Variants in CYB5R3 observed in about 807,000 individuals in gnomAD.
The protein encoded by CYB5R3 is NADH-cytochrome b5 reductase 3.
In CYB5R3, 28 loss-of-function variants were observed where a neutral mutation model predicts 36.5. The ratio of observed to expected loss-of-function variants is 0.77; its 90% confidence interval spans 0.57 to 1.05. The LOEUF (loss-of-function observed/expected upper bound fraction) is 1.05, where lower values mean the gene tolerates loss of function less well. Ranked by LOEUF, CYB5R3 falls within the 50% of genes least tolerant of loss-of-function variation. The pLI is 0.00. For missense variants in CYB5R3, 474 were observed against 408.9 expected (o/e 1.16, Z -1.37); for synonymous variants, 181 against 159.8 (o/e 1.13, Z -1.00).
Position 42,619,814 on chromosome 22 carries a change from C to T in CYB5R3, c.865G>A (p.Asp289Asn), listed in dbSNP as rs1313980705. The T allele has an allele frequency of 6.2e-7, 1 of 1,600,206 alleles. No individual in the cohort carries two copies. Among genetic ancestry groups the T allele is most frequent in the Non-Finnish European group, 8.5e-7 (1 of 1,175,330 alleles). Residue 289 changes from aspartate to asparagine, a missense_variant, in exon 9 of 9, where the codon GAC (aspartate) becomes AAC (asparagine). By Grantham distance (23) the Asp-to-Asn change is conservative. Transcript: ENST00000352397. ...CGCTCCGTGGGGTGGCCCACGTGGT[C>T]CAGGTTGGGAAGGCAGGCGTACTGG... Reference protein sequence around the residue: ...MIQYACLPNLDHVGHPTERCF... With the variant: ...MIQYACLPNLNHVGHPTERCF...
intron 1 of CYB5R3, among the ~76,000 whole-genome samples, chr22:42,648,328 A>G (rs1238211386): frequency 6.6e-6 from 1 of 152,148 alleles, no homozygotes; most frequent in Admixed American, 6.6e-5. Flanking sequence ...CTCCTGTGCC[A>G]GCCTCCCCAC....
In CYB5R3 at chr22:42,618,536, C is replaced by CAAAAAAAA. The variant is rs33966940; in HGVS notation, c.*1229_*1236dup. 1.4e-4 allele frequency: 12 copies of CAAAAAAAA among 86,732 alleles called. No individual in the cohort carries two copies. The highest frequency in any genetic ancestry group is 6.9e-4 in the African/African-American group (12 of 17,382). The allele number at this position is 86,732 out of a possible 1,614,324, so 5.4% of individuals were successfully genotyped here. ...TGGGCGACAGAGCGAGACTCCGTCT[C>CAAAAAAAA]AAAAAAAAAAAAAAAAAAATACAAA... On this transcript the variant is annotated 3_prime_UTR_variant, in exon 9 of 9. Coordinates refer to ENST00000352397, the MANE Select transcript of CYB5R3 (RefSeq NM_000398.7).
Position 42,649,312 on chromosome 22 carries a change from C to A in CYB5R3, c.4G>T (p.Gly2Trp). M[G>W]AQLSTLGHMV... ...CCGCCTACCGTGCTGAGCTGGGCCCCCATGGTGGCCCCGCGCCGCGCTCGC... is the reference window on the plus strand; with the variant it reads ...CCGCCTACCGTGCTGAGCTGGGCCCACATGGTGGCCCCGCGCCGCGCTCGC... The change falls in exon 1 of 9, where the codon GGG (glycine) becomes TGG (tryptophan). Residue 2 changes from glycine to tryptophan, a missense_variant. Transcript: ENST00000352397. The A allele has an allele frequency of 9.8e-7, 1 of 1,022,472 alleles. No homozygotes were observed. Among genetic ancestry groups the A allele is most frequent in the Non-Finnish European group, 1.2e-6 (1 of 848,998 alleles). 63.3% of individuals were successfully genotyped at this position (1,022,472 alleles called of 1,614,324 possible).
chr22:42,647,568 C>T (rs1929589832), intron 1 of CYB5R3, among the ~76,000 whole-genome samples: 1 of 25,826 alleles, frequency 3.9e-5, no homozygotes, highest in African/African-American at 1.2e-4. Context: ...GCCAAGATGG[C>T]GAAGCCCAGG....
intron 1 of CYB5R3, among the ~76,000 whole-genome samples, chr22:42,643,669 G>A (rs922343242): frequency 2.6e-5 from 4 of 152,140 alleles, no homozygotes; most frequent in African/African-American, 4.8e-5. Flanking sequence ...GGGCCACCCA[G>A]CTGGGGTCTC....
At position 42,636,739 on chromosome 22, in the gene CYB5R3, G is replaced by A; in HGVS notation, c.129C>T (p.Tyr43=). 1.9e-6 allele frequency: 3 copies of A among 1,613,258 alleles called. No individual in the cohort carries two copies. The highest frequency in any genetic ancestry group is 8.5e-7 in the Non-Finnish European group (1 of 1,179,966). The part of the protein sequence containing the change: ...AITLESPDIK[Y]PLRLIDREII... ...CCTCCCGGTCGATGAGCCGCAGCGGGTACTTGATGTCCGGGCTCTCGAGGG... is the reference window on the plus strand; with the variant it reads ...CCTCCCGGTCGATGAGCCGCAGCGGATACTTGATGTCCGGGCTCTCGAGGG... The change falls in exon 2 of 9, where the codon TAC becomes TAT. Residue 43 remains tyrosine (Y), a synonymous_variant. Transcript: ENST00000352397.
Position 42,639,926 on chromosome 22 carries a change from T to C in CYB5R3, c.22-3080A>G, listed in dbSNP as rs1238592535. 6 of 1,568,294 alleles carry C rather than the reference T, an allele frequency of 3.8e-6. No individual in the cohort carries two copies. In the South Asian group the frequency reaches 6.9e-5, roughly 18 times the overall value. ...CACACCTGGTCCAACAACACTCAAA[T>C]AATAAATCAAATATAATCAGATGTT... On this transcript the variant is annotated intron_variant, in intron 1 of 8. Coordinates refer to ENST00000352397, the MANE Select transcript of CYB5R3 (RefSeq NM_000398.7).
In CYB5R3 at chr22:42,627,636, C is replaced by T. The variant is rs983707440; in HGVS notation, c.516G>A (p.Val172=). ...DKKSNPIIRT[V]KSVGMIAGGT... ...CTCCCGCGATCATGCCCACAGACTT[C>T]ACTGTCCTGATGATAGGGTTGGACT... The change falls in exon 6 of 9, where the codon GTG becomes GTA. Residue 172 remains valine (V), a synonymous_variant. Transcript: ENST00000352397. The T allele has an allele frequency of 1.9e-6, 3 of 1,614,088 alleles. No homozygotes were observed. Among genetic ancestry groups the T allele is most frequent in the Non-Finnish European group, 1.7e-6 (2 of 1,180,040 alleles).
At chr22:42,631,113 G>T in intron 3 of CYB5R3, 125 bp from the exon 4 acceptor site, 1 of 936,816 alleles carries the variant, frequency 1.1e-6, no homozygotes, top group Non-Finnish European at 1.7e-6. Flanking sequence ...AGCTCCCACG[G>T]CCCCCTCCCA....
At chr22:42,639,745 C>T in intron 1 of CYB5R3, 2 of 543,256 alleles carry the variant, frequency 3.7e-6, no homozygotes, top group East Asian at 6.2e-5. Context: ...AGGAGATACA[C>T]ACTGAAATAT....
At position 42,630,206 on chromosome 22, in the gene CYB5R3, G is replaced by T. The variant is rs9623647; in HGVS notation, c.333+676C>A. ...CAGGTTCCGGGCTGCTGCCCCTAAC[G>T]CCTGCATCTTCTCCTGTGAACCTCC... On this transcript the variant is annotated intron_variant, in intron 4 of 8. Coordinates refer to ENST00000352397, the MANE Select transcript of CYB5R3 (RefSeq NM_000398.7). 5.3e-5 allele frequency among the ~76,000 whole-genome samples: 8 copies of T among 152,156 alleles called. No homozygotes were observed. The South Asian group carries it at 1.7e-3, about 32-fold the overall frequency.
At chr22:42,627,729 C>T (rs1431878349) in intron 5 of CYB5R3, 41 bp from the exon 6 acceptor site, 6 of 1,449,652 alleles carry the variant, frequency 4.1e-6, no homozygotes, top group Non-Finnish European at 4.9e-6. Context: ...ATCAAACATG[C>T]CATGTGTGGT....
chr22:42,619,333 G>A lies in CYB5R3; in HGVS notation c.*440C>T, dbSNP rs1399224961. The A allele has an allele frequency of 3.6e-5, 7 of 196,452 alleles. No homozygotes were observed. The highest frequency in any genetic ancestry group is 1.3e-4 in the East Asian group (1 of 7,938). 12.2% of individuals were successfully genotyped at this position (196,452 alleles called of 1,614,324 possible). A position where few individuals can be genotyped will look rare whatever the true frequency, so the allele number is the denominator to read the frequency against. On this transcript the variant is annotated 3_prime_UTR_variant, in exon 9 of 9. Coordinates refer to ENST00000352397, the MANE Select transcript of CYB5R3 (RefSeq NM_000398.7). The stretch of plus-strand genomic sequence containing the variant: ...TGAGGCCTGGGCCTGGCCCTGAGGC[G>A]GGAGTGGGGGTGACAGGCGAGGCTG...
chr22:42,647,817 G>A (rs1264556267), intron 1 of CYB5R3, among the ~76,000 whole-genome samples: 1 of 152,172 alleles, frequency 6.6e-6, no homozygotes, highest in Non-Finnish European at 1.5e-5. Context: ...GCTGCAGTGA[G>A]CTATGATCGC....
chr22:42,620,805 T>C (rs142946087), intron 8 of CYB5R3, among the ~76,000 whole-genome samples: 26 of 152,310 alleles, frequency 1.7e-4, no homozygotes, highest in African/African-American at 6.3e-4. Context: ...ATGAGCTAAG[T>C]CACTGACCAC....
intron 7 of CYB5R3, 65 bp downstream of exon 7, chr22:42,627,239 T>G (rs1033681997): frequency 7.3e-7 from 1 of 1,373,788 alleles, no homozygotes; most frequent in African/African-American, 1.4e-5. Flanking sequence ...GAACAGCACC[T>G]GACCAGGCCC....
chr22:42,626,732 C>G (rs1336578848), intron 7 of CYB5R3, among the ~76,000 whole-genome samples: 1 of 152,198 alleles, frequency 6.6e-6, no homozygotes, highest in Non-Finnish European at 1.5e-5. Context: ...CCTGAAAAGA[C>G]CTTGCAACAA....
chr22:42,649,336 G>C lies in CYB5R3; in HGVS notation c.-21C>G. ...CCCATGGTGGCCCCGCGCCGCGCTCGCTCTGTCGCCGCCGCCGCCGCCGCC... is the reference window on the plus strand; with the variant it reads ...CCCATGGTGGCCCCGCGCCGCGCTCCCTCTGTCGCCGCCGCCGCCGCCGCC... On this transcript the variant is annotated 5_prime_UTR_variant, in exon 1 of 9. Coordinates refer to ENST00000352397, the MANE Select transcript of CYB5R3 (RefSeq NM_000398.7). 1.0e-6 allele frequency: 1 copy of C among 997,720 alleles called. No individual in the cohort carries two copies. 61.8% of individuals were successfully genotyped at this position (997,720 alleles called of 1,614,324 possible). A position where few individuals can be genotyped will look rare whatever the true frequency, so the allele number is the denominator to read the frequency against.
chr22:42,625,787 G>A (rs1928237047), intron 7 of CYB5R3, among the ~76,000 whole-genome samples: 2 of 152,134 alleles, frequency 1.3e-5, no homozygotes, highest in African/African-American at 4.8e-5. Context: ...TTGGGACCCT[G>A]GAGAGGATCC....
Sources: gnomAD v4.1 joint callset for allele counts (sites outside exome capture counted in the v4.1 genomes callset) on GRCh38, gnomAD v4.1.1 for gene constraint, MANE v1.5 for transcripts, NCBI Gene and HGNC (gene_info 2026-07-23, HGNC 2026-07-21) for gene names.